NAMPT: variants seen among roughly 807,000 people sequenced by gnomAD.
NAMPT encodes nicotinamide phosphoribosyltransferase.
In NAMPT, 7 loss-of-function variants were observed where a neutral mutation model predicts 58.7. The observed-to-expected ratio is 0.12, with a 90% CI of 0.07 to 0.22. The LOEUF (loss-of-function observed/expected upper bound fraction) is 0.22. Ranked by LOEUF, NAMPT falls within the 10% of genes least tolerant of loss-of-function variation. The pLI is 1.00. For missense variants in NAMPT, 271 were observed against 567.9 expected (o/e 0.48, Z 5.31); for synonymous variants, 145 against 198.1 (o/e 0.73, Z 2.25).
In NAMPT at chr7:106,260,021, C is replaced by G. The variant is rs146042701; in HGVS notation, c.1089+1567G>C. On this transcript the variant is annotated intron_variant, in intron 8 of 10. Transcript: ENST00000222553. ...ACAGGCAGAGTAGATTCAGCAAATT[C>G]TAAGGGTCCTAGGATTATCAGAATG... 2.4e-3 allele frequency among the ~76,000 whole-genome samples: 370 copies of G among 151,964 alleles called. 3 individuals carry two copies. Among genetic ancestry groups the G allele is most frequent in the African/African-American group, 8.4e-3 (349 of 41,466 alleles).
chr7:106,284,863 C>T lies in NAMPT; in HGVS notation c.22G>A (p.Glu8Lys). 7 of 1,580,292 alleles carry T rather than the reference C, an allele frequency of 4.4e-6. No individual in the cohort carries two copies. The highest frequency in any genetic ancestry group is 1.3e-5 in the African/African-American group (1 of 74,282). Residue 8 changes from glutamate (E) to lysine (K), a missense_variant, in exon 1 of 11, where the codon GAG becomes AAG. By Grantham distance (56) the Glu-to-Lys change is moderately conservative. Around this residue, in one of 4 missense-constraint regions of NAMPT, gnomAD observed 23 missense variants for 16.4 expected, o/e 1.40. Coordinates refer to ENST00000222553, the MANE Select transcript of NAMPT (RefSeq NM_005746.3). MNPAAEAEFNILLATDSY... is the reference protein window; with the variant it reads MNPAAEAKFNILLATDSY... ...TCGGTGGCCAGGAGGATGTTGAACT[C>T]GGCTTCTGCCGCAGGATTCATCTCG...
At chr7:106,274,385 A>G (rs191839785) in intron 3 of NAMPT, among the ~76,000 whole-genome samples, 1 of 152,268 alleles carries the variant, frequency 6.6e-6, no homozygotes, top group Admixed American at 6.5e-5. Context: ...TGTAGATTCT[A>G]TATGCTAATG....
At chr7:106,285,291 G>T (rs575958039), upstream of NAMPT, 57 of 691,042 alleles carry the variant, frequency 8.2e-5, no homozygotes, top group Middle Eastern at 6.6e-4. Context: ...CAGCGGGGCA[G>T]CCCCGGCGCG....
chr7:106,263,314 G>A (rs1792345412), intron 7 of NAMPT, 78 bp downstream of exon 7: 1 of 1,009,268 alleles, frequency 9.9e-7, no homozygotes, highest in Non-Finnish European at 1.5e-6. Context: ...GAAATTGTGT[G>A]TATATAAATG....
At chr7:106,266,860 T>C (rs1179456324) in intron 6 of NAMPT, among the ~76,000 whole-genome samples, 1 of 152,198 alleles carries the variant, frequency 6.6e-6, no homozygotes, top group African/African-American at 2.4e-5. Context: ...CATTTGAAAA[T>C]GCCTGATTTA....
At chr7:106,253,435 T>A in intron 9 of NAMPT, 2 of 333,346 alleles carry the variant, frequency 6.0e-6, no homozygotes, top group East Asian at 1.3e-4. Context: ...CATTCTAACA[T>A]GTGACCCTTA....
chr7:106,254,525 A>C lies in NAMPT; in HGVS notation c.1090-21T>G, dbSNP rs140919946. ...ACAATCTAGAAGATTAAAACAAAAC[A>C]AAACCAAACCAAACCTTAATTTGGA... On this transcript the variant is annotated intron_variant, in intron 8 of 10. Coordinates refer to ENST00000222553, the MANE Select transcript of NAMPT (RefSeq NM_005746.3). 3,029 of 1,610,986 alleles carry C rather than the reference A, an allele frequency of 1.9e-3. 24 individuals are homozygous for C. In the African/African-American group the frequency reaches 0.019, roughly 10 times the overall value.
intron 9 of NAMPT, 77 bp from the exon 10 acceptor site, chr7:106,253,228 G>T: frequency 6.8e-7 from 1 of 1,478,078 alleles, no homozygotes; most frequent in Non-Finnish European, 9.2e-7. Flanking sequence ...TTACAAAAAA[G>T]CACATACATA....
intron 3 of NAMPT, among the ~76,000 whole-genome samples, chr7:106,274,536 G>A (rs1792597751): frequency 1.3e-5 from 2 of 152,010 alleles, no homozygotes; most frequent in African/African-American, 2.4e-5. Context: ...AAACAAAAAA[G>A]AACTGTAATG....
chr7:106,269,400 G>C (rs1453220945), intron 4 of NAMPT, 88 bp from the exon 5 acceptor site: 2 of 1,222,790 alleles, frequency 1.6e-6, no homozygotes, highest in East Asian at 5.1e-5. Context: ...TTTTTTTGGA[G>C]GTATGTCCTG....
chr7:106,268,007 AC>A (rs1282028238), intron 6 of NAMPT, among the ~76,000 whole-genome samples: 1 of 152,036 alleles, frequency 6.6e-6, no homozygotes, highest in African/African-American at 2.4e-5. Flanking sequence ...GAATCTGAAC[AC>A]CCTTTCTTTC....
intron 1 of NAMPT, 145 bp downstream of exon 1, chr7:106,284,683 C>G: frequency 2.0e-6 from 2 of 1,005,084 alleles, no homozygotes; most frequent in Non-Finnish European, 2.5e-6. Context: ...CCGCCGCCGC[C>G]CGCGCCTCCC....
chr7:106,285,311 C>T, upstream of NAMPT: 1 of 543,106 alleles, frequency 1.8e-6, no homozygotes, highest in Non-Finnish European at 2.4e-6. Context: ...GTGACCCGGG[C>T]GCTTACCTAA....
Position 106,263,446 on chromosome 7 carries a change from C to T in NAMPT, c.915G>A (p.Gln305=), listed in dbSNP as rs1359268631. 1.2e-6 allele frequency: 2 copies of T among 1,600,866 alleles called. No homozygotes were observed. Among genetic ancestry groups the T allele is most frequent in the South Asian group, 2.2e-5 (2 of 90,684 alleles). Residue 305 remains glutamine, a synonymous_variant, in exon 7 of 11, where the codon CAG becomes CAA. Coordinates refer to ENST00000222553, the MANE Select transcript of NAMPT (RefSeq NM_005746.3). ...LRHLIVSRST[Q]APLIIRPDSG... Reference sequence around the variant, plus strand: ...AATCAGGTCTGATTATTAGTGGTGCCTGTGTACTTCTTGATACTATTAAAT... The same window carrying T: ...AATCAGGTCTGATTATTAGTGGTGCTTGTGTACTTCTTGATACTATTAAAT...
intron 1 of NAMPT, among the ~76,000 whole-genome samples, chr7:106,280,194 T>G (rs1003120974): frequency 6.6e-6 from 1 of 152,140 alleles, no homozygotes; most frequent in Non-Finnish European, 1.5e-5. Flanking sequence ...TTAGGTTAGA[T>G]GGGAGAATTT....
intron 1 of NAMPT, among the ~76,000 whole-genome samples, chr7:106,283,137 G>T (rs1792798200): frequency 6.6e-6 from 1 of 152,072 alleles, no homozygotes; most frequent in Non-Finnish European, 1.5e-5. Flanking sequence ...AATCTAAGAT[G>T]AAAATATTCT....
Position 106,266,645 on chromosome 7 carries a change from C to T in NAMPT, c.743+1819G>A, listed in dbSNP as rs147947955. On this transcript the variant is annotated intron_variant, in intron 6 of 10. Coordinates refer to ENST00000222553, the MANE Select transcript of NAMPT (RefSeq NM_005746.3). ...TCTCCCAAGCCATTGCTCATGTTTA[C>T]CTATTTCTTTCCATTTATTTAGCAC... is the stretch of plus-strand genomic sequence containing the variant. Among the ~76,000 whole-genome samples the T allele has an allele frequency of 5.0e-3, 763 of 152,254 alleles. 22 individuals carry two copies. The highest frequency in any genetic ancestry group is 6.8e-4 in the Non-Finnish European group (46 of 68,016).
chr7:106,281,271 T>G (rs1243930679), intron 1 of NAMPT, among the ~76,000 whole-genome samples: 1 of 152,054 alleles, frequency 6.6e-6, no homozygotes, highest in African/African-American at 2.4e-5. Flanking sequence ...AGAATCCTTT[T>G]GGGAAAAGAA....
chr7:106,274,832 G>C, intron 3 of NAMPT, 114 bp downstream of exon 3: 2 of 666,442 alleles, frequency 3.0e-6, no homozygotes, highest in Non-Finnish European at 5.2e-6. Context: ...TCCAGCCTGG[G>C]TGACAGAGTG....
Sources: gnomAD v4.1 joint callset for allele counts (sites outside exome capture counted in the v4.1 genomes callset) on GRCh38, gnomAD v4.1.1 for gene constraint, gnomAD v4.1.1 regional missense constraint, MANE v1.5 for transcripts, NCBI Gene and HGNC (gene_info 2026-07-23, HGNC 2026-07-21) for gene names.